C13orf46: variants seen among roughly 807,000 people sequenced by gnomAD.
C13orf46 encodes the protein uncharacterized protein C13orf46.
chr13:113,967,754 G>A (rs1465933759), intron 4 of C13orf46, among the ~76,000 whole-genome samples: 2 of 152,122 alleles, frequency 1.3e-5, no homozygotes, highest in African/African-American at 2.4e-5. Context: ...TTGGGGAGCC[G>A]GGCTGCTCCC....
At chr13:113,930,375 G>A in the C13orf46 span, among the ~76,000 whole-genome samples, 3 of 98,532 alleles carry the variant, frequency 3.0e-5, no homozygotes, top group East Asian at 2.3e-4. Flanking sequence ...CAGGAGCACC[G>A]AGGCGGGGGC....
intron 6 of C13orf46, among the ~76,000 whole-genome samples, chr13:113,963,615 GTCCTCAGCCACAGC>G: frequency 1.6e-5 from 2 of 128,886 alleles, no homozygotes; most frequent in South Asian, 2.6e-4. Context: ...CGCAGTCCTT[GTCCTCAGCCACAGC>G]CCCCTCTCCT....
At chr13:113,936,205 G>A in the C13orf46 span, among the ~76,000 whole-genome samples, 2 of 152,126 alleles carry the variant, frequency 1.3e-5, no homozygotes, top group Non-Finnish European at 2.9e-5. Context: ...AACTGCCAGC[G>A]GCTTCTTCCT....
rs2052507964 is a variant in C13orf46, at chr13:113,954,828, AGATGAGGAGCATCCGGTGGAGAT to A, written c.*1922_*1944del. The A allele has an allele frequency of 7.0e-4, 68 of 96,732 alleles. No homozygotes were observed. Among genetic ancestry groups the A allele is most frequent in the Non-Finnish European group, 1.4e-3 (56 of 40,224 alleles). The allele number at this position is 96,732 out of a possible 1,614,324, so 6.0% of individuals were successfully genotyped here. On this transcript the variant is annotated 3_prime_UTR_variant, in exon 7 of 7. Transcript: ENST00000636427. ...GGTGGAGACGAGGAGCATCCGGTGG[AGATGAGGAGCATCCGGTGGAGAT>A]GAGGAGCATCTCGTGGGGAGGAGGA... is the stretch of plus-strand genomic sequence containing the variant.
downstream of C13orf46, among the ~76,000 whole-genome samples, chr13:113,948,792 T>C (rs2052479059): frequency 6.6e-6 from 1 of 152,210 alleles, no homozygotes; most frequent in Non-Finnish European, 1.5e-5. Context: ...CCTGAATAAA[T>C]TAAGAGATTT....
At position 113,955,301 on chromosome 13, in the gene C13orf46, T is replaced by C. The variant is rs2052516431; in HGVS notation, c.*1472A>G. The C allele has an allele frequency of 8.2e-6, 1 of 122,362 alleles. No homozygotes were observed. Among genetic ancestry groups the C allele is most frequent in the South Asian group, 1.4e-4 (1 of 7,106 alleles). The allele number at this position is 122,362 out of a possible 1,614,324, so 7.6% of individuals were successfully genotyped here. A position where few individuals can be genotyped will look rare whatever the true frequency, so the allele number is the denominator to read the frequency against. On this transcript the variant is annotated 3_prime_UTR_variant, in exon 7 of 7. Transcript: ENST00000636427. ...TAGTATCTGGCGGAGAGGAGTAGTATCTGGCAGAGAGGAGTAGTATCTGGT... is the reference window on the plus strand; with the variant it reads ...TAGTATCTGGCGGAGAGGAGTAGTACCTGGCAGAGAGGAGTAGTATCTGGT...
At chr13:113,958,057 C>G (rs1187538570) in intron 6 of C13orf46, among the ~76,000 whole-genome samples, 3 of 127,890 alleles carry the variant, frequency 2.3e-5, no homozygotes, top group South Asian at 2.8e-4. Context: ...TCAAGTGCAC[C>G]GGGGGGGTCT....
chr13:113,945,575 A>AAGAAAGAAAGAG, the C13orf46 span, among the ~76,000 whole-genome samples: 134 of 89,106 alleles, frequency 1.5e-3, 3 homozygotes, highest in African/African-American at 3.7e-3. Flanking sequence ...GAAAGAAAGA[A>AAGAAAGAAAGAG]AGAGAGAGAG....
At chr13:113,946,611 G>T in the C13orf46 span, among the ~76,000 whole-genome samples, 1 of 152,238 alleles carries the variant, frequency 6.6e-6, no homozygotes, top group Non-Finnish European at 1.5e-5. Context: ...AGGACCCCAG[G>T]GTGAAAGGAG....
intron 2 of C13orf46, among the ~76,000 whole-genome samples, chr13:113,969,290 C>T (rs942502056): frequency 5.3e-5 from 8 of 152,252 alleles, no homozygotes; most frequent in Admixed American, 2.6e-4. Context: ...TCTGCAATGG[C>T]GTTGACTTGG....
chr13:113,973,540 C>T (rs2052730861), intron 1 of C13orf46, among the ~76,000 whole-genome samples: 1 of 152,212 alleles, frequency 6.6e-6, no homozygotes, highest in Non-Finnish European at 1.5e-5. Context: ...CCTCCTGCTT[C>T]AGGCTGTCCC....
chr13:113,961,712 G>C (rs2052588161), intron 6 of C13orf46, among the ~76,000 whole-genome samples: 1 of 152,270 alleles, frequency 6.6e-6, no homozygotes, highest in South Asian at 2.1e-4. Flanking sequence ...TTGTTCACTG[G>C]TTATCCATTT....
the C13orf46 span, chr13:113,927,446 T>C: frequency 1.3e-5 from 5 of 397,850 alleles, no homozygotes; most frequent in Non-Finnish European, 2.2e-5. Context: ...ATTTCTTAGG[T>C]CTGGCACTTC....
the C13orf46 span, among the ~76,000 whole-genome samples, chr13:113,931,891 AG>A: frequency 2.6e-5 from 4 of 152,052 alleles, no homozygotes; most frequent in Admixed American, 1.3e-4. Flanking sequence ...GCACCCACAG[AG>A]CCATGACCAC....
rs200949713 is a variant in C13orf46, at chr13:113,971,134, C to T, written c.191-912G>A. On this transcript the variant is annotated intron_variant, in intron 1 of 6. Coordinates refer to ENST00000636427, the MANE Select transcript of C13orf46 (RefSeq NM_001365455.2). ...GATCCCACAGGGCCTCCAGCCGCAT[C>T]GGAGCCGGGAATGTTTGCGGAGACC... Among the ~76,000 whole-genome samples the T allele has an allele frequency of 1.2e-4, 19 of 152,334 alleles. No individual in the cohort carries two copies. The South Asian group carries it at 2.1e-3, about 17-fold the overall frequency.
intron 1 of C13orf46, among the ~76,000 whole-genome samples, chr13:113,971,497 G>A (rs1378022830): frequency 2.6e-5 from 4 of 152,216 alleles, no homozygotes; most frequent in Non-Finnish European, 5.9e-5. Flanking sequence ...GTGGGCTCAA[G>A]GCAGGGCCTC....
At chr13:113,966,129 A>G (rs1406382042) in intron 5 of C13orf46, among the ~76,000 whole-genome samples, 1 of 131,474 alleles carries the variant, frequency 7.6e-6, no homozygotes, top group Non-Finnish European at 1.6e-5. Flanking sequence ...GATGGTGATT[A>G]TAATGGTGAT....
the C13orf46 span, among the ~76,000 whole-genome samples, chr13:113,939,571 G>A: frequency 6.6e-6 from 1 of 152,334 alleles, no homozygotes; most frequent in African/African-American, 2.4e-5. Flanking sequence ...ACTCAGCCTG[G>A]TTCACACCTT....
chr13:113,950,982 C>T (rs918329178), downstream of C13orf46, among the ~76,000 whole-genome samples: 1 of 152,220 alleles, frequency 6.6e-6, no homozygotes, highest in Non-Finnish European at 1.5e-5. Flanking sequence ...GGGATGTCCA[C>T]GGCTGAGGGT....
Sources: allele counts gnomAD v4.1 joint callset (sites outside exome capture counted in the v4.1 genomes callset), GRCh38; gene constraint gnomAD v4.1.1; transcripts MANE v1.5; gene names NCBI Gene and HGNC (gene_info 2026-07-23, HGNC 2026-07-21).